Variants in CELF2 observed in about 807,000 individuals in gnomAD.
CELF2 encodes CUG triplet repeat RNA-binding protein 2.
In CELF2, 8 loss-of-function variants were observed where a neutral mutation model predicts 62.6. That is an observed-to-expected ratio of 0.13 (90% CI 0.07 to 0.23). The LOEUF (loss-of-function observed/expected upper bound fraction) is 0.23. Among genes scored for constraint, CELF2 ranks in the 10% least tolerant of loss-of-function variants. The pLI is 1.00. For missense variants in CELF2, 333 were observed against 671.0 expected (o/e 0.50, Z 5.56); for synonymous variants, 258 against 250.0 (o/e 1.03, Z -0.30).
intron 1 of CELF2, among the ~76,000 whole-genome samples, chr10:11,131,597 G>A (rs552668766): frequency 5.3e-5 from 8 of 152,148 alleles, no homozygotes; most frequent in Non-Finnish European, 7.3e-5. Flanking sequence ...ACCTCCCCTC[G>A]CATGTTTATG....
chr10:10,543,701 G>T, the CELF2 span, among the ~76,000 whole-genome samples: 1 of 152,034 alleles, frequency 6.6e-6, no homozygotes, highest in Non-Finnish European at 1.5e-5. Context: ...ACAAAACTTA[G>T]CTGGGTGAGA....
the CELF2 span, among the ~76,000 whole-genome samples, chr10:10,514,164 G>A: frequency 6.6e-6 from 1 of 152,218 alleles, no homozygotes; most frequent in Admixed American, 6.5e-5. Flanking sequence ...GGAAATATAT[G>A]CAAATATGAA....
At chr10:10,941,662 G>A (rs1396820975) in intron 2 of CELF2, among the ~76,000 whole-genome samples, 1 of 152,096 alleles carries the variant, frequency 6.6e-6, no homozygotes, top group Non-Finnish European at 1.5e-5. Context: ...GGAATAGAAG[G>A]ATATGCGTGT....
rs2065877385 is a variant in CELF2 at position 11,224,570 on chromosome 10, A to G, written c.354+7063A>G. ...TGATTAAAGGTCTGCATGGAATTAC[A>G]GAGGAAGGAGGTGAGCCATGATAAT... is the stretch of plus-strand genomic sequence containing the variant. On this transcript the variant is annotated intron_variant, in intron 3 of 12. Coordinates refer to ENST00000633077, the MANE Select transcript of CELF2 (RefSeq NM_001326342.2). This position sits in a 1 kb window ranked among gnomAD's most constrained non-coding sequence, Gnocchi z 4.5. 6.6e-6 allele frequency among the ~76,000 whole-genome samples: 1 copy of G among 152,204 alleles called. No homozygotes were observed. The highest frequency in any genetic ancestry group is 6.5e-5 in the Admixed American group (1 of 15,284).
chr10:11,004,010 G>T (rs1412163826), upstream of CELF2, among the ~76,000 whole-genome samples: 1 of 152,118 alleles, frequency 6.6e-6, no homozygotes, highest in Non-Finnish European at 1.5e-5. This position sits in a 1 kb window ranked among gnomAD's most constrained non-coding sequence, Gnocchi z 5.0. Flanking sequence ...AGATTTCTGT[G>T]CAGTGGAGAT....
At chr10:10,698,187 A>T in the CELF2 span, among the ~76,000 whole-genome samples, 2 of 152,230 alleles carry the variant, frequency 1.3e-5, no homozygotes, top group African/African-American at 4.8e-5. Flanking sequence ...AAGTTGTCCA[A>T]TATGACAGTA....
At chr10:10,856,450 T>A (rs1387121421) in intron 1 of CELF2, among the ~76,000 whole-genome samples, 1 of 152,166 alleles carries the variant, frequency 6.6e-6, no homozygotes, top group African/African-American at 2.4e-5. Flanking sequence ...TAAAGACTTG[T>A]AATTTTGGGG....
chr10:10,629,650 C>T, the CELF2 span, among the ~76,000 whole-genome samples: 3 of 151,996 alleles, frequency 2.0e-5, no homozygotes, highest in African/African-American at 7.2e-5. Context: ...TCAGGAATAA[C>T]AATCTCTCTG....
the CELF2 span, among the ~76,000 whole-genome samples, chr10:10,717,485 T>G: frequency 6.6e-6 from 1 of 152,090 alleles, no homozygotes; most frequent in Non-Finnish European, 1.5e-5. Flanking sequence ...TGAAAGAAAA[T>G]TTCAGCCCAT....
intron 1 of CELF2, among the ~76,000 whole-genome samples, chr10:10,852,721 G>C (rs1369721083): frequency 6.6e-6 from 1 of 152,198 alleles, no homozygotes; most frequent in South Asian, 2.1e-4. Flanking sequence ...AATGGGCAAA[G>C]CATTCACATG....
chr10:11,063,104 C>A (rs529240557), intron 1 of CELF2, among the ~76,000 whole-genome samples: 1 of 152,288 alleles, frequency 6.6e-6, no homozygotes, highest in South Asian at 2.1e-4. Context: ...CTATGGCACA[C>A]TTAATAGGTT....
chr10:11,284,002 GGATGAGTGTGT>G (rs2090093873), intron 8 of CELF2, among the ~76,000 whole-genome samples: 1 of 150,620 alleles, frequency 6.6e-6, no homozygotes, highest in Non-Finnish European at 1.5e-5. Context: ...AGTGGATGAG[GGATGAGTGTGT>G]GGTGGGTGGA....
At chr10:11,238,420 A>G (rs80192942) in intron 3 of CELF2, among the ~76,000 whole-genome samples, 2,644 of 152,314 alleles carry the variant, frequency 0.017, 78 homozygotes, top group African/African-American at 0.061. Context: ...TCTTGCTATT[A>G]AAACATAGAT....
chr10:10,665,942 AT>A, the CELF2 span, among the ~76,000 whole-genome samples: 2 of 152,230 alleles, frequency 1.3e-5, no homozygotes, highest in African/African-American at 2.4e-5. Context: ...CATGAAGCTT[AT>A]AATAGTGTTT....
At chr10:10,670,650 C>T in the CELF2 span, among the ~76,000 whole-genome samples, 1 of 152,146 alleles carries the variant, frequency 6.6e-6, no homozygotes, top group Non-Finnish European at 1.5e-5. Flanking sequence ...TGGTATTGTA[C>T]ATTCTATGGA....
the CELF2 span, among the ~76,000 whole-genome samples, chr10:10,601,029 C>T: frequency 6.6e-6 from 1 of 152,174 alleles, no homozygotes; most frequent in Non-Finnish European, 1.5e-5. Context: ...GCAGGAAGAA[C>T]AGGCCTTCCA....
intron 11 of CELF2, among the ~76,000 whole-genome samples, chr10:11,323,639 C>G (rs1316848029): frequency 1.3e-5 from 2 of 152,010 alleles, no homozygotes; most frequent in South Asian, 4.1e-4. Flanking sequence ...CTACAAACGT[C>G]CCCAGTTCTT....
intron 1 of CELF2, among the ~76,000 whole-genome samples, chr10:11,138,751 A>G (rs1197062982): frequency 2.6e-5 from 4 of 152,234 alleles, no homozygotes; most frequent in Non-Finnish European, 5.9e-5. Flanking sequence ...GTAGGAAATC[A>G]TCTCTCGTGT....
Position 11,247,888 on chromosome 10 carries a change from C to T in CELF2, c.355-1265C>T, listed in dbSNP as rs2076089229. ...GTGACTTGTCCTGCTTTTGAAGAGGCAGCTCACTTAGCCTCTTTCTTCTCC... is the reference window on the plus strand; with the variant it reads ...GTGACTTGTCCTGCTTTTGAAGAGGTAGCTCACTTAGCCTCTTTCTTCTCC... On this transcript the variant is annotated intron_variant, in intron 3 of 12. Transcript: ENST00000633077. This position sits in a 1 kb window ranked among gnomAD's most constrained non-coding sequence, Gnocchi z 5.4. 6.6e-6 allele frequency among the ~76,000 whole-genome samples: 1 copy of T among 152,212 alleles called. No homozygotes were observed. Among genetic ancestry groups the T allele is most frequent in the Non-Finnish European group, 1.5e-5 (1 of 68,036 alleles).
Sources: gnomAD v4.1 joint callset for allele counts (sites outside exome capture counted in the v4.1 genomes callset) on GRCh38, gnomAD v4.1.1 for gene constraint, Gnocchi (gnomAD v3.1) non-coding constraint, MANE v1.5 for transcripts, NCBI Gene and HGNC (gene_info 2026-07-23, HGNC 2026-07-21) for gene names.